ZNF582: variants seen among roughly 807,000 people sequenced by gnomAD.
ZNF582 encodes zinc finger protein 582.
A neutral mutation model predicts 12.3 loss-of-function variants in ZNF582; 14 were observed. That is an observed-to-expected ratio of 1.14 (90% CI 0.75 to 1.78). The LOEUF is 1.78. Among genes scored for constraint, ZNF582 ranks in the 40% most tolerant of loss-of-function variants. ZNF582 has a pLI of 0.00. For synonymous variants in ZNF582, 210 were observed against 207.2 expected (o/e 1.01, Z -0.11); for missense variants, 567 against 616.5 (o/e 0.92, Z 0.85).
chr19:56,390,039 C>G, exon 4 of ZNF582: 1 of 1,614,034 alleles, frequency 6.2e-7, no homozygotes, highest in Non-Finnish European at 8.5e-7. Flanking sequence ...CTCCACCATC[C>G]AGGGCTCTTT....
intron 2 of ZNF582, 51 bp from the exon 3 acceptor site, chr19:56,390,552 G>A (rs751589942): frequency 6.2e-7 from 1 of 1,603,166 alleles, no homozygotes; most frequent in Non-Finnish European, 8.5e-7. Context: ...GTTCACAGTG[G>A]GATGAAAGGA....
chr19:56,388,943 T>C (rs764970122), intron 4 of ZNF582, among the ~76,000 whole-genome samples: 1 of 152,136 alleles, frequency 6.6e-6, no homozygotes, highest in Non-Finnish European at 1.5e-5. Context: ...GTTCCTCCCT[T>C]TGCTCACTGA....
At chr19:56,384,927 T>C in exon 5 of ZNF582, 1 of 1,614,148 alleles carries the variant, frequency 6.2e-7, no homozygotes, top group African/African-American at 1.3e-5. Context: ...CTAGTATGAA[T>C]TTTCTGATAA....
intron 4 of ZNF582, among the ~76,000 whole-genome samples, chr19:56,385,892 G>A (rs2041962469): frequency 6.6e-6 from 1 of 152,080 alleles, no homozygotes; most frequent in Non-Finnish European, 1.5e-5. Context: ...TTATGTGGGT[G>A]TATAAATTTG....
chr19:56,384,987 T>A, exon 5 of ZNF582: 1 of 1,614,200 alleles, frequency 6.2e-7, no homozygotes, highest in Non-Finnish European at 8.5e-7. Context: ...TCATGTCTGA[T>A]GATCATCTGA....
intron 1 of ZNF582, 24 bp downstream of exon 1, chr19:56,393,196 G>C (rs1363599659): frequency 7.9e-7 from 1 of 1,266,184 alleles, no homozygotes; most frequent in Non-Finnish European, 1.0e-6. Context: ...AATTTCAGGG[G>C]GTCGGAGACC....
rs78962222 is a variant in ZNF582, at chr19:56,392,030, C to T, written c.-80-198G>A. On this transcript the variant is annotated intron_variant, in intron 1 of 4. Coordinates refer to ENST00000586929, the Ensembl canonical transcript of ZNF582. ...AAGGGGAACCAGTGGTCCTTTCCCT[C>T]CCATTTCCCCTAAACATCCAGTGGT... Among the ~76,000 whole-genome samples the T allele has an allele frequency of 4.7e-3, 719 of 152,302 alleles. 6 individuals are homozygous for T. Among genetic ancestry groups the T allele is most frequent in the African/African-American group, 0.016 (675 of 41,572 alleles).
At chr19:56,391,655 G>A (rs2147519265) in intron 2 of ZNF582, 89 bp downstream of exon 2, 1 of 1,208,490 alleles carries the variant, frequency 8.3e-7, no homozygotes, top group South Asian at 1.2e-5. Flanking sequence ...CCTAAAATGG[G>A]AAAGTCTGAG....
At position 56,390,505 on chromosome 19, in the gene ZNF582, G is replaced by A. The variant is rs201776050; in HGVS notation, c.10-4C>T. 6 of 1,613,920 alleles carry A rather than the reference G, an allele frequency of 3.7e-6. No homozygotes were observed. The highest frequency in any genetic ancestry group is 5.1e-6 in the Non-Finnish European group (6 of 1,180,030). Reference sequence around the variant, plus strand: ...CATCCCTGAACAATTCTGACCCCTGGAATGACAGGCATGTATGATATATAT... The same window carrying A: ...CATCCCTGAACAATTCTGACCCCTGAAATGACAGGCATGTATGATATATAT... On this transcript the variant is annotated splice_polypyrimidine_tract_variant and splice_region_variant and intron_variant, in intron 2 of 4. Transcript: ENST00000586929.
intron 4 of ZNF582, chr19:56,388,354 G>GA (rs2041985872): frequency 6.6e-6 from 1 of 152,222 alleles, no homozygotes; most frequent in Non-Finnish European, 1.5e-5. Flanking sequence ...AACAAATGGT[G>GA]AAAGGGAGAA....
exon 1 of ZNF582, chr19:56,393,479 GC>G (rs141227960): frequency 0.01 from 5,208 of 513,252 alleles, 211 homozygotes; most frequent in African/African-American, 0.089. Context: ...CCGCGGCCGC[GC>G]CCCCGGCAGC....
exon 5 of ZNF582, chr19:56,384,206 A>G (rs1234684394): frequency 6.2e-7 from 1 of 1,612,592 alleles, no homozygotes; most frequent in South Asian, 1.1e-5. Flanking sequence ...GACCCGTTTG[A>G]AGGCCCTACC....
exon 5 of ZNF582, chr19:56,382,969 T>C (rs1267731384): frequency 6.6e-6 from 1 of 152,218 alleles, no homozygotes; most frequent in Non-Finnish European, 1.5e-5. Context: ...GAAGTCTTCA[T>C]GATAAACCTG....
rs927006476 is a variant in ZNF582 at position 56,390,107 on chromosome 19, G to C, written c.137-11C>G. On this transcript the variant is annotated splice_polypyrimidine_tract_variant and intron_variant, in intron 3 of 4. Transcript: ENST00000586929. Reference sequence around the variant, plus strand: ...TGGAAACGGCAAGACCTGGAGATGAGAAGAAACATGCCACCTGGTTATGGT... The same window carrying C: ...TGGAAACGGCAAGACCTGGAGATGACAAGAAACATGCCACCTGGTTATGGT... The C allele has an allele frequency of 6.2e-7, 1 of 1,612,804 alleles. No individual in the cohort carries two copies. Among genetic ancestry groups the C allele is most frequent in the Admixed American group, 1.7e-5 (1 of 59,890 alleles).
At chr19:56,393,438 T>C (rs745946831) in exon 1 of ZNF582, 5 of 539,296 alleles carry the variant, frequency 9.3e-6, no homozygotes, top group South Asian at 7.1e-5. Flanking sequence ...CCGGAACCTC[T>C]CACCTGCCGC....
intron 2 of ZNF582, 132 bp from the exon 3 acceptor site, chr19:56,390,633 T>C (rs2042007622): frequency 1.1e-6 from 1 of 913,918 alleles, no homozygotes; most frequent in Middle Eastern, 2.2e-4. Context: ...ATGTGAAAGG[T>C]GACAGAAGAA....
chr19:56,389,497 G>C (rs987953868), intron 4 of ZNF582, among the ~76,000 whole-genome samples: 9 of 152,076 alleles, frequency 5.9e-5, no homozygotes, highest in Non-Finnish European at 1.3e-4. Flanking sequence ...ACACAGAGCG[G>C]GACAACACAC....
rs767556939 is a variant in ZNF582, at chr19:56,391,810, G to A, written c.-58C>T. 5 of 1,614,048 alleles carry A rather than the reference G, an allele frequency of 3.1e-6. No individual in the cohort carries two copies. The East Asian group carries it at 1.1e-4, about 36-fold the overall frequency. On this transcript the variant is annotated 5_prime_UTR_variant, in exon 2 of 5. Transcript: ENST00000586929. Reference sequence around the variant, plus strand: ...CCTTCTGGTTCCTCTCTTGGGGAAGGGCAGAGTCCTGCGACGGTAGAGCTG... The same window carrying A: ...CCTTCTGGTTCCTCTCTTGGGGAAGAGCAGAGTCCTGCGACGGTAGAGCTG...
exon 1 of ZNF582, chr19:56,393,348 A>T (rs2042034178): frequency 9.8e-7 from 1 of 1,016,840 alleles, no homozygotes; most frequent in Non-Finnish European, 1.3e-6. Flanking sequence ...ATGAGGCGAG[A>T]CGTCTGCGTT....
Sources: allele counts gnomAD v4.1 joint callset (sites outside exome capture counted in the v4.1 genomes callset), GRCh38; gene constraint gnomAD v4.1.1; transcripts MANE v1.5; gene names NCBI Gene and HGNC (gene_info 2026-07-23, HGNC 2026-07-21).